The following FRAS1 variants were observed in gnomAD, a reference collection of about 807,000 sequenced individuals.
FRAS1 encodes the protein extracellular matrix organizing protein FRAS1.
In FRAS1, 290 loss-of-function variants were observed where a neutral mutation model predicts 435.2. The ratio of observed to expected loss-of-function variants is 0.67; its 90% CI spans 0.61 to 0.73. The LOEUF (loss-of-function observed/expected upper bound fraction) is 0.73. FRAS1 is among the 30% of genes least tolerant of loss of function. FRAS1 has a pLI of 0.00. For synonymous variants in FRAS1, 1,800 were observed against 1,851.0 expected, an observed-to-expected ratio of 0.97 and a Z score of 0.71; for missense variants, 4,860 against 5,001.5, an observed-to-expected ratio of 0.97 and a Z score of 0.85.
chr4:78,383,545 A>G (rs1732103326), intron 27 of FRAS1, among the ~76,000 whole-genome samples: 1 of 152,170 alleles, frequency 6.6e-6, no homozygotes, highest in Non-Finnish European at 1.5e-5. Flanking sequence ...CACAATGACT[A>G]TGAGTAGGCT....
intron 61 of FRAS1, among the ~76,000 whole-genome samples, chr4:78,505,788 A>G (rs543189837): frequency 4.2e-4 from 64 of 152,238 alleles, no homozygotes; most frequent in African/African-American, 1.4e-3. Flanking sequence ...AGGAGCTGCG[A>G]TCCTTTGGAG....
At chr4:78,297,269 G>C (rs974836449) in intron 14 of FRAS1, among the ~76,000 whole-genome samples, 13 of 152,188 alleles carry the variant, frequency 8.5e-5, no homozygotes, top group Non-Finnish European at 1.6e-4. Flanking sequence ...AATCTCAGAG[G>C]AACTACAGAT....
In FRAS1 at chr4:78,451,452, T is replaced by C. The variant is rs116459514; in HGVS notation, c.6464-320T>C. On this transcript the variant is annotated intron_variant, in intron 45 of 73. Transcript: ENST00000512123. ...GGTGTGGTCAGTGCACATTTACACA[T>C]GGGCAGTTTTGTGGATCTCGTTTTC... Among the ~76,000 whole-genome samples, 742 of 152,280 alleles carry C rather than the reference T, an allele frequency of 4.9e-3. 3 individuals carry two copies. Among genetic ancestry groups the C allele is most frequent in the African/African-American group, 0.016 (676 of 41,546 alleles).
chr4:78,514,306 T>C (rs749590268), intron 65 of FRAS1, among the ~76,000 whole-genome samples: 3 of 152,228 alleles, frequency 2.0e-5, no homozygotes, highest in African/African-American at 4.8e-5. Flanking sequence ...AGGCAGCGCA[T>C]CTCTGTGTTC....
intron 67 of FRAS1, among the ~76,000 whole-genome samples, chr4:78,520,388 T>C (rs1721350989): frequency 1.3e-5 from 2 of 152,182 alleles, no homozygotes; most frequent in South Asian, 4.1e-4. Flanking sequence ...TGAGGTGCTT[T>C]ATCTGGGGCA....
chr4:78,480,739 G>A (rs1458148022), intron 56 of FRAS1, among the ~76,000 whole-genome samples: 1 of 152,172 alleles, frequency 6.6e-6, no homozygotes, highest in Non-Finnish European at 1.5e-5. Flanking sequence ...GAAGTCTTAT[G>A]TATGCTGCAG....
At chr4:78,366,531 T>C (rs1367608524) in intron 22 of FRAS1, among the ~76,000 whole-genome samples, 2 of 152,198 alleles carry the variant, frequency 1.3e-5, no homozygotes, top group African/African-American at 4.8e-5. Context: ...CCAGAGCCAA[T>C]GGAGTATTGA....
chr4:78,067,553 G>T (rs1308749408), intron 2 of FRAS1, among the ~76,000 whole-genome samples: 1 of 151,904 alleles, frequency 6.6e-6, no homozygotes, highest in African/African-American at 2.4e-5. Flanking sequence ...AGGGCTCATG[G>T]CTGCTCAAGA....
intron 14 of FRAS1, among the ~76,000 whole-genome samples, chr4:78,302,416 C>T (rs1486437101): frequency 6.6e-6 from 1 of 151,890 alleles, no homozygotes; most frequent in African/African-American, 2.4e-5. Flanking sequence ...TTCTAGATCC[C>T]TGAGGAATCG....
intron 6 of FRAS1, among the ~76,000 whole-genome samples, chr4:78,260,302 C>T (rs1009681878): frequency 7.9e-5 from 12 of 151,870 alleles, no homozygotes; most frequent in African/African-American, 2.9e-4. Context: ...GCAGTATGGC[C>T]ATTTTCACCA....
At chr4:78,129,417 G>T (rs995061797) in intron 2 of FRAS1, among the ~76,000 whole-genome samples, 1 of 152,218 alleles carries the variant, frequency 6.6e-6, no homozygotes, top group Non-Finnish European at 1.5e-5. Context: ...GGTCTTAGAT[G>T]CAGGTACTGA....
intron 9 of FRAS1, among the ~76,000 whole-genome samples, chr4:78,274,831 T>C (rs372443259): frequency 2.0e-5 from 3 of 152,210 alleles, no homozygotes; most frequent in Non-Finnish European, 2.9e-5. Context: ...CTATTAGGTC[T>C]GCTTGGTGCA....
At chr4:78,252,575 G>T in intron 5 of FRAS1, 24 bp downstream of exon 5, 1 of 1,601,296 alleles carries the variant, frequency 6.2e-7, no homozygotes, top group Non-Finnish European at 8.5e-7. Context: ...TGTAGAAGGG[G>T]ACCCTCTTTG....
intron 2 of FRAS1, among the ~76,000 whole-genome samples, chr4:78,200,920 T>TATA (rs1723027863): frequency 1.4e-5 from 2 of 147,522 alleles, no homozygotes; most frequent in African/African-American, 4.9e-5. Flanking sequence ...TATATATATG[T>TATA]TAAATATATA....
chr4:78,411,676 G>A (rs891088475), intron 31 of FRAS1, among the ~76,000 whole-genome samples: 1 of 152,136 alleles, frequency 6.6e-6, no homozygotes, highest in African/African-American at 2.4e-5. Flanking sequence ...TCTCCCATCA[G>A]TGTCTTTACT....
intron 31 of FRAS1, among the ~76,000 whole-genome samples, chr4:78,408,088 G>T (rs1369616216): frequency 6.6e-6 from 1 of 152,184 alleles, no homozygotes; most frequent in Admixed American, 6.5e-5. Context: ...GAAAGCGAAA[G>T]ACATGTCTTA....
intron 14 of FRAS1, among the ~76,000 whole-genome samples, chr4:78,307,561 G>A (rs185096658): frequency 6.6e-6 from 1 of 152,336 alleles, no homozygotes; most frequent in Admixed American, 6.5e-5. Context: ...CTCCTGGTGC[G>A]CCGTTTTTTA....
At chr4:78,075,098 C>A (rs1740570313) in intron 2 of FRAS1, among the ~76,000 whole-genome samples, 1 of 152,128 alleles carries the variant, frequency 6.6e-6, no homozygotes, top group Admixed American at 6.6e-5. Context: ...TTTAAATTTA[C>A]CAGTTAGATA....
chr4:78,376,338 A>G (rs1031975250), intron 26 of FRAS1, among the ~76,000 whole-genome samples: 1 of 152,218 alleles, frequency 6.6e-6, no homozygotes, highest in Admixed American at 6.5e-5. Context: ...TATAGGCTAC[A>G]AACCTGTACA....
Sources: gnomAD v4.1 joint callset for allele counts (sites outside exome capture counted in the v4.1 genomes callset) on GRCh38, gnomAD v4.1.1 for gene constraint, MANE v1.5 for transcripts, NCBI Gene and HGNC (gene_info 2026-07-23, HGNC 2026-07-21) for gene names.